TBC1D22A: variants seen among roughly 807,000 people sequenced by gnomAD.
TBC1D22A encodes the protein TBC1 domain family member 22A.
Under a neutral mutation model 60.2 loss-of-function variants are expected in TBC1D22A, and 38 were observed. That is an observed-to-expected ratio of 0.63 (90% CI 0.49 to 0.83). The LOEUF (loss-of-function observed/expected upper bound fraction) is 0.83, where lower values mean the gene tolerates loss of function less well. Among genes scored for constraint, TBC1D22A ranks in the 40% least tolerant of loss-of-function variants. TBC1D22A has a pLI of 0.00. For missense variants in TBC1D22A, 628 were observed against 701.0 expected, an observed-to-expected ratio of 0.90 and a Z score of 1.18; for synonymous variants, 302 against 281.7, an observed-to-expected ratio of 1.07 and a Z score of -0.72.
At chr22:46,829,049 C>T (rs1446552867) in intron 4 of TBC1D22A, among the ~76,000 whole-genome samples, 1 of 152,176 alleles carries the variant, frequency 6.6e-6, no homozygotes, top group Non-Finnish European at 1.5e-5. Context: ...GATGTGTCCC[C>T]CACCCCCTCC....
At chr22:47,120,291 AACC>A (rs2147754996) in intron 12 of TBC1D22A, among the ~76,000 whole-genome samples, 2 of 152,306 alleles carry the variant, frequency 1.3e-5, no homozygotes, top group South Asian at 4.2e-4. Context: ...TTAAATCAAC[AACC>A]ACCAGTACCT....
chr22:47,037,357 C>T (rs1358425688), intron 11 of TBC1D22A, among the ~76,000 whole-genome samples, 159 bp downstream of exon 11: 1 of 152,068 alleles, frequency 6.6e-6, no homozygotes, highest in South Asian at 2.1e-4. Context: ...TGGCCGGGCG[C>T]GGTGGCTCAT....
At chr22:46,875,464 T>C (rs1195876338) in intron 4 of TBC1D22A, among the ~76,000 whole-genome samples, 2 of 150,560 alleles carry the variant, frequency 1.3e-5, no homozygotes, top group African/African-American at 5.0e-5. Flanking sequence ...TTTTTTTTTC[T>C]TTTTTTTGAG....
chr22:47,022,524 T>G (rs2062125067), intron 10 of TBC1D22A, among the ~76,000 whole-genome samples: 1 of 151,374 alleles, frequency 6.6e-6, no homozygotes, highest in African/African-American at 2.4e-5. Flanking sequence ...AGAACCAAAG[T>G]TCTGGTGACA....
At chr22:46,788,082 G>A (rs1361768391) in intron 1 of TBC1D22A, among the ~76,000 whole-genome samples, 3 of 152,024 alleles carry the variant, frequency 2.0e-5, no homozygotes, top group Admixed American at 6.5e-5. Flanking sequence ...GACTATAGGC[G>A]TCCGCCACCA....
intron 5 of TBC1D22A, among the ~76,000 whole-genome samples, chr22:46,879,489 T>C (rs912912268): frequency 6.6e-6 from 1 of 152,226 alleles, no homozygotes; most frequent in Non-Finnish European, 1.5e-5. Flanking sequence ...TGGGTCTGAC[T>C]TTTAGTATTT....
At chr22:47,126,784 G>A (rs1168757011) in intron 12 of TBC1D22A, among the ~76,000 whole-genome samples, 1 of 152,214 alleles carries the variant, frequency 6.6e-6, no homozygotes, top group Non-Finnish European at 1.5e-5. Flanking sequence ...CCTCTACTGG[G>A]GGCACCCAGG....
At chr22:46,927,143 A>G (rs182957193) in intron 8 of TBC1D22A, among the ~76,000 whole-genome samples, 3 of 152,350 alleles carry the variant, frequency 2.0e-5, no homozygotes, top group East Asian at 1.9e-4. Context: ...AGATGAAGAC[A>G]TAACAAGGAA....
intron 12 of TBC1D22A, among the ~76,000 whole-genome samples, chr22:47,115,167 G>A (rs1229695494): frequency 6.9e-6 from 1 of 144,180 alleles, no homozygotes; most frequent in Non-Finnish European, 1.5e-5. Context: ...TGAGCGCTGG[G>A]CCCCAGGAGG....
At chr22:46,857,772 A>G in intron 4 of TBC1D22A, among the ~76,000 whole-genome samples, 1 of 151,816 alleles carries the variant, frequency 6.6e-6, no homozygotes, top group Non-Finnish European at 1.5e-5. Context: ...GTTCCCTCGC[A>G]TGGTGCTGTC....
At chr22:46,962,409 G>A (rs549520529) in intron 8 of TBC1D22A, among the ~76,000 whole-genome samples, 1 of 152,240 alleles carries the variant, frequency 6.6e-6, no homozygotes, top group Non-Finnish European at 1.5e-5. Flanking sequence ...CCTGCTGGCT[G>A]TAGAATAAAC....
At chr22:47,024,574 T>C (rs559669175) in intron 10 of TBC1D22A, among the ~76,000 whole-genome samples, 6 of 152,194 alleles carry the variant, frequency 3.9e-5, no homozygotes, top group African/African-American at 1.2e-4. Flanking sequence ...TTCCATACTT[T>C]AGGGCATGGT....
intron 1 of TBC1D22A, among the ~76,000 whole-genome samples, chr22:46,769,579 G>C (rs2083417868): frequency 6.6e-6 from 1 of 152,166 alleles, no homozygotes. Flanking sequence ...AGCAGGAACC[G>C]ATCTGGCTGC....
chr22:47,125,877 C>T (rs2066434952), intron 12 of TBC1D22A, among the ~76,000 whole-genome samples: 1 of 152,230 alleles, frequency 6.6e-6, no homozygotes, highest in African/African-American at 2.4e-5. Flanking sequence ...CCAGGATGGT[C>T]AAGTACAGGT....
intron 10 of TBC1D22A, among the ~76,000 whole-genome samples, chr22:47,018,171 G>C (rs1416411224): frequency 6.6e-6 from 1 of 152,272 alleles, no homozygotes; most frequent in Admixed American, 6.5e-5. Flanking sequence ...CCCTGCGTCA[G>C]TGTGGCTGCT....
At chr22:47,089,654 G>A (rs1417511712) in intron 11 of TBC1D22A, among the ~76,000 whole-genome samples, 1 of 152,182 alleles carries the variant, frequency 6.6e-6, no homozygotes, top group East Asian at 1.9e-4. Context: ...GGGACAGTTT[G>A]ACTGTCTTAA....
At chr22:47,049,944 C>A (rs1179420104) in intron 11 of TBC1D22A, among the ~76,000 whole-genome samples, 1 of 152,246 alleles carries the variant, frequency 6.6e-6, no homozygotes, top group Non-Finnish European at 1.5e-5. Flanking sequence ...TTGGTGGCCA[C>A]AGCCAAGTGA....
At chr22:47,072,738 G>A (rs779466074) in intron 11 of TBC1D22A, among the ~76,000 whole-genome samples, 4 of 152,334 alleles carry the variant, frequency 2.6e-5, no homozygotes, top group South Asian at 2.1e-4. Flanking sequence ...GTGTCCTGTC[G>A]GGCACACTTG....
Position 46,898,011 on chromosome 22 carries a change from TTTGA to T in TBC1D22A, c.900+3169_900+3172del, listed in dbSNP as rs1215883568. On this transcript the variant is annotated intron_variant, in intron 7 of 12. Transcript: ENST00000337137. Reference sequence around the variant, plus strand: ...AAGTAGTCATTTTGAGACACTTCTCTTTGATTGTCCTTTTTAGTAGTTGTGCCTA... The same window carrying T: ...AAGTAGTCATTTTGAGACACTTCTCTTTGTCCTTTTTAGTAGTTGTGCCTA... Among the ~76,000 whole-genome samples the T allele has an allele frequency of 3.3e-5, 5 of 152,360 alleles. No homozygotes were observed. In the South Asian group the frequency reaches 1.0e-3, roughly 32 times the overall value.
Sources: gnomAD v4.1 joint callset for allele counts (sites outside exome capture counted in the v4.1 genomes callset) on GRCh38, gnomAD v4.1.1 for gene constraint, MANE v1.5 for transcripts, NCBI Gene and HGNC (gene_info 2026-07-23, HGNC 2026-07-21) for gene names.